The following SCAPER variants were observed in gnomAD, a reference collection of about 807,000 sequenced individuals.
SCAPER encodes S-phase cyclin A associated protein in the ER.
Under a neutral mutation model 182.2 loss-of-function variants are expected in SCAPER, and 98 were observed. The ratio of observed to expected loss-of-function variants is 0.54; its 90% confidence interval spans 0.46 to 0.64. The LOEUF (loss-of-function observed/expected upper bound fraction) is 0.64, where lower values mean the gene tolerates loss of function less well. Ranked by LOEUF, SCAPER falls within the 30% of genes least tolerant of loss-of-function variation. SCAPER has a pLI of 0.00. For synonymous variants in SCAPER, 605 were observed against 564.6 expected, an observed-to-expected ratio of 1.07 and a Z score of -1.01; for missense variants, 1,432 against 1,690.0, an observed-to-expected ratio of 0.85 and a Z score of 2.68.
chr15:76,673,980 CA>C (rs2057205378), intron 20 of SCAPER, among the ~76,000 whole-genome samples: 2 of 151,310 alleles, frequency 1.3e-5, no homozygotes, highest in Admixed American at 6.6e-5. Flanking sequence ...CACACACACA[CA>C]CACACACACC....
chr15:76,864,896 A>T (rs1446723113), intron 2 of SCAPER, among the ~76,000 whole-genome samples: 1 of 152,186 alleles, frequency 6.6e-6, no homozygotes, highest in African/African-American at 2.4e-5. Flanking sequence ...TTATAAATTC[A>T]CACAAAGAAT....
At chr15:76,641,672 C>G (rs546360334) in intron 21 of SCAPER, among the ~76,000 whole-genome samples, 1 of 152,238 alleles carries the variant, frequency 6.6e-6, no homozygotes, top group East Asian at 1.9e-4. Flanking sequence ...TGGCTAATTG[C>G]TCACCCAGCA....
chr15:76,599,402 T>C (rs1157656644), intron 22 of SCAPER, among the ~76,000 whole-genome samples: 1 of 122,040 alleles, frequency 8.2e-6, no homozygotes, highest in African/African-American at 2.5e-5. Context: ...CTTTGCACAT[T>C]CATGCCTAGG....
intron 20 of SCAPER, among the ~76,000 whole-genome samples, chr15:76,669,249 GACAA>G (rs1450499232): frequency 1.3e-5 from 2 of 150,952 alleles, no homozygotes; most frequent in African/African-American, 4.9e-5. Flanking sequence ...AAAACCCACA[GACAA>G]ATGAAGAAAG....
intron 24 of SCAPER, among the ~76,000 whole-genome samples, chr15:76,495,577 CAAAAAAAAAA>C (rs71444987): frequency 3.5e-5 from 2 of 56,956 alleles, no homozygotes; most frequent in South Asian, 1.0e-3. Flanking sequence ...GACTTGGTCT[CAAAAAAAAAA>C]AAAAAAAAAA....
intron 29 of SCAPER, among the ~76,000 whole-genome samples, chr15:76,359,208 CCCATCACCCCAGCCCCATCTCT>C (rs2041223806): frequency 6.6e-6 from 1 of 152,128 alleles, no homozygotes; most frequent in Admixed American, 6.5e-5. Flanking sequence ...TGCCCCCCTC[CCCATCACCCCAGCCCCATCTCT>C]CCATAAGGAC....
In SCAPER at chr15:76,364,636, C is replaced by T. The variant is rs76855243; in HGVS notation, c.3856-10496G>A. On this transcript the variant is annotated intron_variant, in intron 29 of 31. Coordinates refer to ENST00000563290, the MANE Select transcript of SCAPER (RefSeq NM_020843.4). ...GCAGAGGAATGCAAAAAAGGCTTTT[C>T]CCCTCCTCAAACATCATTCTATTCC... 7.2e-4 allele frequency among the ~76,000 whole-genome samples: 109 copies of T among 152,266 alleles called. 1 individual carries two copies. The East Asian group carries it at 0.021, about 29-fold the overall frequency.
chr15:76,786,516 A>AAATACCT (rs1363806602), intron 8 of SCAPER, among the ~76,000 whole-genome samples: 2 of 152,144 alleles, frequency 1.3e-5, no homozygotes, highest in Non-Finnish European at 2.9e-5. Context: ...ACATCCATAA[A>AAATACCT]AATACCTACA....
At chr15:76,742,656 T>C (rs752992222) in intron 15 of SCAPER, among the ~76,000 whole-genome samples, 1 of 151,706 alleles carries the variant, frequency 6.6e-6, no homozygotes, top group Non-Finnish European at 1.5e-5. Flanking sequence ...GCAATATTAA[T>C]CACCATCAAC....
intron 15 of SCAPER, among the ~76,000 whole-genome samples, chr15:76,745,653 T>A (rs1054554984): frequency 6.6e-6 from 1 of 152,208 alleles, no homozygotes; most frequent in Non-Finnish European, 1.5e-5. Flanking sequence ...GAGTTGACCA[T>A]CCATCTCTAT....
chr15:76,536,849 G>C (rs370942202), intron 23 of SCAPER, among the ~76,000 whole-genome samples: 1 of 152,038 alleles, frequency 6.6e-6, no homozygotes. Context: ...TCCTTAAGCT[G>C]ATAAGCAACT....
intron 5 of SCAPER, among the ~76,000 whole-genome samples, chr15:76,806,304 C>T (rs971222407): frequency 6.6e-6 from 1 of 152,130 alleles, no homozygotes; most frequent in Non-Finnish European, 1.5e-5. Flanking sequence ...TATTCTTTCC[C>T]TCATTAAATG....
At chr15:76,820,900 A>T (rs1397410954) in intron 5 of SCAPER, among the ~76,000 whole-genome samples, 1 of 152,210 alleles carries the variant, frequency 6.6e-6, no homozygotes, top group East Asian at 1.9e-4. Context: ...GTCATCAGGG[A>T]AATGCAGATT....
intron 20 of SCAPER, among the ~76,000 whole-genome samples, chr15:76,685,478 A>C (rs2147060615): frequency 6.6e-6 from 1 of 152,228 alleles, no homozygotes; most frequent in East Asian, 1.9e-4. Flanking sequence ...TTGATATGCA[A>C]AATCACTTGC....
chr15:76,850,817 G>A (rs1038136686), intron 4 of SCAPER, among the ~76,000 whole-genome samples: 9 of 145,118 alleles, frequency 6.2e-5, no homozygotes, highest in African/African-American at 2.0e-4. Flanking sequence ...CAGAGATTGC[G>A]CCATTGTATT....
chr15:76,783,786 C>T (rs1045576126), intron 8 of SCAPER, among the ~76,000 whole-genome samples: 7 of 152,034 alleles, frequency 4.6e-5, no homozygotes, highest in South Asian at 2.1e-4. Context: ...AGACAAAAAC[C>T]GCAATTATCT....
intron 23 of SCAPER, among the ~76,000 whole-genome samples, chr15:76,522,425 C>T (rs1405366967): frequency 6.6e-6 from 1 of 152,012 alleles, no homozygotes; most frequent in Non-Finnish European, 1.5e-5. Context: ...AAATAATAAA[C>T]TAATTTTTAA....
intron 23 of SCAPER, among the ~76,000 whole-genome samples, chr15:76,548,254 C>G (rs1487430726): frequency 2.6e-5 from 4 of 152,182 alleles, no homozygotes; most frequent in Middle Eastern, 3.4e-3. Context: ...TACTTCTAAA[C>G]AGAACATTAG....
intron 23 of SCAPER, among the ~76,000 whole-genome samples, chr15:76,546,502 T>TTTTAAA (rs2144847352): frequency 6.6e-6 from 1 of 152,188 alleles, no homozygotes; most frequent in East Asian, 1.9e-4. Context: ...GCTTTATTGT[T>TTTTAAA]TTTTAAAAAG....
Sources: allele counts gnomAD v4.1 joint callset (sites outside exome capture counted in the v4.1 genomes callset), GRCh38; gene constraint gnomAD v4.1.1; transcripts MANE v1.5; gene names NCBI Gene and HGNC (gene_info 2026-07-23, HGNC 2026-07-21).